KRT27: variants seen among roughly 807,000 people sequenced by gnomAD.
KRT27 encodes keratin, type I cytoskeletal 27.
Under a neutral mutation model 45.3 loss-of-function variants are expected in KRT27, and 30 were observed. The ratio of observed to expected loss-of-function variants is 0.66; its 90% CI spans 0.50 to 0.90. The LOEUF (loss-of-function observed/expected upper bound fraction) is 0.90. Among genes scored for constraint, KRT27 ranks in the 40% least tolerant of loss-of-function variants. The pLI is 0.00. For missense variants in KRT27, 610 were observed against 564.3 expected (o/e 1.08, Z -0.82); for synonymous variants, 204 against 223.9 (o/e 0.91, Z 0.79).
In KRT27 at chr17:40,779,638, A is replaced by AG. The variant is rs1216452479; in HGVS notation, c.847-12dup. On this transcript the variant is annotated splice_polypyrimidine_tract_variant and intron_variant, in intron 4 of 7. Coordinates refer to ENST00000301656, the MANE Select transcript of KRT27 (RefSeq NM_181537.4). ...CTGCAGCGAGGCGCTCTGGAACGGC[A>AG]GGGGCCGCGTTAGGGCGCTGGGGCT... is the stretch of plus-strand genomic sequence containing the variant. The AG allele has an allele frequency of 5.0e-6, 8 of 1,613,904 alleles. No homozygotes were observed. Among genetic ancestry groups the AG allele is most frequent in the Middle Eastern group, 1.6e-4 (1 of 6,080 alleles).
At chr17:40,778,547 C>T (rs2038283491) in intron 5 of KRT27, among the ~76,000 whole-genome samples, 1 of 152,194 alleles carries the variant, frequency 6.6e-6, no homozygotes, top group African/African-American at 2.4e-5. Flanking sequence ...TCTCAGAGTC[C>T]TCTTTTGGAA....
chr17:40,777,087 C>T lies in KRT27; in HGVS notation c.1292G>A (p.Arg431His), dbSNP rs115559932. Residue 431 changes from arginine to histidine, a missense_variant, in exon 8 of 8, where the codon CGT becomes CAT. Coordinates refer to ENST00000301656, the MANE Select transcript of KRT27 (RefSeq NM_181537.4). Reference sequence around the variant, plus strand: ...AACTCTGGATGAGAGAACTTTGCCACGAGGATCTATCTCTTCAACAACTGT... The same window carrying T: ...AACTCTGGATGAGAGAACTTTGCCATGAGGATCTATCTCTTCAACAACTGT... Reference protein sequence around the residue: ...VKTVVEEIDPRGKVLSSRVHT... With the variant: ...VKTVVEEIDPHGKVLSSRVHT... 1.5e-5 allele frequency: 24 copies of T among 1,613,968 alleles called. No homozygotes were observed. The highest frequency in any genetic ancestry group is 6.7e-5 in the East Asian group (3 of 44,862).
chr17:40,777,962 G>T, intron 5 of KRT27: 1 of 543,810 alleles, frequency 1.8e-6, no homozygotes, highest in Non-Finnish European at 3.2e-6. Context: ...GCCCAGGTGT[G>T]CTAAAAAAGA....
rs940613788 is a variant in KRT27, at chr17:40,779,616, C to T, written c.858G>A (p.Leu286=). ...EAWFNEKSAS[L]QQQISDDAGA... ...CAGCGTCGTCAGAGATCTGCTGCTG[C>T]AGCGAGGCGCTCTGGAACGGCAGGG... Residue 286 remains leucine, a synonymous_variant, in exon 5 of 8, where the codon CTG becomes CTA. Transcript: ENST00000301656. The T allele has an allele frequency of 6.2e-6, 10 of 1,614,116 alleles. No individual in the cohort carries two copies. In the Admixed American group the frequency reaches 1.3e-4, roughly 22 times the overall value.
intron 7 of KRT27, 46 bp from the exon 8 acceptor site, chr17:40,777,184 A>G (rs1482223728): frequency 1.2e-6 from 2 of 1,610,526 alleles, no homozygotes; most frequent in Non-Finnish European, 8.5e-7. Context: ...AAATTCATAA[A>G]TAGGAAATAA....
rs776515113 is a variant in KRT27 at position 40,781,162 on chromosome 17, T to C, written c.527+26A>G. ...AAAAAATGCTTAGACAACTTTTTTT[T>C]CCCATTTATCTTCAGCTCTACTTAC... On this transcript the variant is annotated intron_variant, in intron 2 of 7. Transcript: ENST00000301656. 6 of 1,495,012 alleles carry C rather than the reference T, an allele frequency of 4.0e-6. No individual in the cohort carries two copies. The African/African-American group carries it at 4.2e-5, about 10-fold the overall frequency. The allele number at this position is 1,495,012 out of a possible 1,614,324, so 92.6% of individuals were successfully genotyped here.
At position 40,777,675 on chromosome 17, in the gene KRT27, C is replaced by A; in HGVS notation, c.1030G>T (p.Ala344Ser). The A allele has an allele frequency of 6.2e-7, 1 of 1,614,096 alleles. No individual in the cohort carries two copies. The highest frequency in any genetic ancestry group is 1.3e-5 in the African/African-American group (1 of 74,990). The change falls in exon 6 of 8, where the codon GCA becomes TCA. Residue 344 changes from alanine to serine, a missense_variant. Transcript: ENST00000301656. ...ETESNYCAQL[A>S]QIQAQIGALE... The stretch of plus-strand genomic sequence containing the variant: ...GCCCCGATCTGAGCCTGGATCTGTG[C>A]CAGCTGTGCACAGTAGTTACTCTCG...
At position 40,779,574 on chromosome 17, in the gene KRT27, G is replaced by A. The variant is rs1411840798; in HGVS notation, c.900C>T (p.Ala300=). The change falls in exon 5 of 8, where the codon GCC becomes GCT. Residue 300 remains alanine, a synonymous_variant. Coordinates refer to ENST00000301656, the MANE Select transcript of KRT27 (RefSeq NM_181537.4). ...ISDDAGATTS[A]RNELIEMKRT... ...GTTTCATCTCGATAAGCTCATTCCG[G>A]GCTGAGGTGGTGGCGCCAGCGTCGT... 1 of 1,614,242 alleles carries A rather than the reference G, an allele frequency of 6.2e-7. No individual in the cohort carries two copies.
Position 40,776,989 on chromosome 17 carries a change from A to T in KRT27, c.*10T>A. ...TAATTTGGGGGCCATTCTGTCTCAGAGGCTGGAGTTCAGGAAGACACCCTC... is the reference window on the plus strand; with the variant it reads ...TAATTTGGGGGCCATTCTGTCTCAGTGGCTGGAGTTCAGGAAGACACCCTC... On this transcript the variant is annotated 3_prime_UTR_variant, in exon 8 of 8. Transcript: ENST00000301656. 1 of 1,596,534 alleles carries T rather than the reference A, an allele frequency of 6.3e-7. No individual in the cohort carries two copies.
In KRT27 at chr17:40,779,705, C is replaced by A. The variant is rs746890732; in HGVS notation, c.841G>T (p.Glu281Ter). Residue 281 changes from glutamate (E) to a stop codon, truncating the protein, a stop_gained, in exon 4 of 8, where the codon GAA (glutamate) becomes TAA (stop). Transcript: ENST00000301656. LOFTEE classifies it high-confidence loss of function. ...NRRDAEAWFNEKSASLQQQIS... is the reference protein window; with the variant it reads ...NRRDAEAWFN ...GCACCCAAGCGTGGTTTTACCTTTT[C>A]GTTGAACCAGGCCTCCGCGTCCCTG... is the stretch of plus-strand genomic sequence containing the variant. 92 of 1,613,612 alleles carry A rather than the reference C, an allele frequency of 5.7e-5. No homozygotes were observed. Among genetic ancestry groups the A allele is most frequent in the Admixed American group, 1.8e-4 (11 of 59,934 alleles).
Position 40,777,101 on chromosome 17 carries a change from T to C in KRT27, c.1278A>G (p.Glu426=), listed in dbSNP as rs748218454. 1 of 1,613,994 alleles carries C rather than the reference T, an allele frequency of 6.2e-7. No homozygotes were observed. The highest frequency in any genetic ancestry group is 8.5e-7 in the Non-Finnish European group (1 of 1,179,866). Residue 426 remains glutamate (E), a synonymous_variant, in exon 8 of 8, where the codon GAA becomes GAG. Transcript: ENST00000301656. ...GAACTTTGCCACGAGGATCTATCTC[T>C]TCAACAACTGTTTTGACAATGGTGG... The part of the protein sequence containing the change: ...SKTTIVKTVV[E]EIDPRGKVLS...
chr17:40,781,927 G>T, intron 1 of KRT27, 123 bp downstream of exon 1: 1 of 716,554 alleles, frequency 1.4e-6, no homozygotes, highest in Non-Finnish European at 2.2e-6. Flanking sequence ...TATTGAAAAT[G>T]AACTCCTAAA....
intron 6 of KRT27, 63 bp downstream of exon 6, chr17:40,777,452 G>C: frequency 6.3e-7 from 1 of 1,583,108 alleles, no homozygotes; most frequent in Non-Finnish European, 8.7e-7. Flanking sequence ...TTTTGTACTT[G>C]ATTTCAAATC....
chr17:40,777,447 T>C (rs1288159893), intron 6 of KRT27, 68 bp downstream of exon 6: 5 of 1,574,142 alleles, frequency 3.2e-6, no homozygotes, highest in Non-Finnish European at 4.4e-6. Flanking sequence ...AGATATTTTG[T>C]ACTTGATTTC....
chr17:40,782,040 C>T lies in KRT27; in HGVS notation c.444+10G>A, dbSNP rs565637328. 1.4e-4 allele frequency: 222 copies of T among 1,602,980 alleles called. 2 individuals are homozygous for T. The Middle Eastern group carries it at 1.5e-3, about 11-fold the overall frequency. ...AGGAGTGCTAACACTCACGCCATGG[C>T]GTTTCTTACCTGGTTCTTAAGTTCG... On this transcript the variant is annotated intron_variant, in intron 1 of 7. Transcript: ENST00000301656.
chr17:40,780,212 A>T (rs895323388), intron 3 of KRT27, 88 bp downstream of exon 3: 204 of 1,281,920 alleles, frequency 1.6e-4, no homozygotes, highest in Non-Finnish European at 2.0e-4. Context: ...CTTGAATGTT[A>T]ATTTAAGACA....
rs1340050139 is a variant in KRT27 at position 40,779,731 on chromosome 17, C to A, written c.815G>T (p.Arg272Leu). The change falls in exon 4 of 8, where the codon CGC (arginine) becomes CTC (leucine). Residue 272 changes from arginine to leucine, a missense_variant. By Grantham distance (102) the Arg-to-Leu change is moderately radical (BLOSUM62 -2). Coordinates refer to ENST00000301656, the MANE Select transcript of KRT27 (RefSeq NM_181537.4). ...GTTGAACCAGGCCTCCGCGTCCCTG[C>A]GGTTCTGCTCTGCGAGGGCTTCGTA... ...AEYEALAEQN[R>L]RDAEAWFNEK... 2.5e-6 allele frequency: 4 copies of A among 1,613,964 alleles called. No homozygotes were observed. The highest frequency in any genetic ancestry group is 3.4e-6 in the Non-Finnish European group (4 of 1,179,942).
intron 3 of KRT27, among the ~76,000 whole-genome samples, 154 bp downstream of exon 3, chr17:40,780,146 A>T (rs549916084): frequency 7.2e-5 from 11 of 152,356 alleles, no homozygotes; most frequent in African/African-American, 2.6e-4. Context: ...TTTGAGAAGA[A>T]TGAATAGAAG....
chr17:40,781,582 A>C (rs962809431), intron 1 of KRT27, among the ~76,000 whole-genome samples: 5 of 152,206 alleles, frequency 3.3e-5, no homozygotes, highest in African/African-American at 4.8e-5. Context: ...GGCATGTGCC[A>C]CCACGCTCGG....
Sources: allele counts gnomAD v4.1 joint callset (sites outside exome capture counted in the v4.1 genomes callset), GRCh38; gene constraint gnomAD v4.1.1; transcripts MANE v1.5; gene names NCBI Gene and HGNC (gene_info 2026-07-23, HGNC 2026-07-21).